KIF13A: variants seen among roughly 807,000 people sequenced by gnomAD.
KIF13A encodes kinesin family member 13A.
A neutral mutation model predicts 212.2 loss-of-function variants in KIF13A; 79 were observed. The ratio of observed to expected loss-of-function variants is 0.37; its 90% CI spans 0.31 to 0.45. The LOEUF is 0.45. KIF13A is among the 20% of genes least tolerant of loss of function. The pLI is 1.00. For missense variants in KIF13A, 1,901 were observed against 2,209.0 expected (o/e 0.86, Z 2.79); for synonymous variants, 789 against 808.6 (o/e 0.98, Z 0.41).
In KIF13A at chr6:17,769,977, G is replaced by T. The variant is rs1245730261; in HGVS notation, c.4581+1137C>A. On this transcript the variant is annotated intron_variant, in intron 38 of 38. Transcript: ENST00000259711. The surrounding 1 kb of genome is among the most constrained non-coding windows in gnomAD (Gnocchi z 5.8). ...GGGGAAGAGGGATGAAGAAATAGAG[G>T]GAAAATGGTGCTTTTCTTCTTTCTT... is the stretch of plus-strand genomic sequence containing the variant. Among the ~76,000 whole-genome samples the T allele has an allele frequency of 6.6e-6, 1 of 152,086 alleles. No individual in the cohort carries two copies. Among genetic ancestry groups the T allele is most frequent in the Non-Finnish European group, 1.5e-5 (1 of 68,030 alleles).
intron 19 of KIF13A, among the ~76,000 whole-genome samples, chr6:17,804,861 A>AGGGGCCT (rs1283567360): frequency 8.4e-6 from 1 of 119,490 alleles, no homozygotes; most frequent in Admixed American, 9.6e-5. Context: ...AGCCCATGGG[A>AGGGGCCT]GGGGCCTGTT....
chr6:17,797,099 C>T (rs369358377), intron 22 of KIF13A, among the ~76,000 whole-genome samples: 22 of 151,630 alleles, frequency 1.5e-4, no homozygotes, highest in African/African-American at 3.6e-4. Flanking sequence ...GTGCGATCTC[C>T]GCTCACTACA....
intron 4 of KIF13A, 160 bp downstream of exon 4, chr6:17,873,217 A>C (rs1770182202): frequency 3.7e-6 from 2 of 544,440 alleles, no homozygotes; most frequent in African/African-American, 3.9e-5. Context: ...CCAGATTCTG[A>C]AACCAAATCT....
At chr6:17,844,014 C>T (rs1356325576) in intron 9 of KIF13A, among the ~76,000 whole-genome samples, 3 of 147,508 alleles carry the variant, frequency 2.0e-5, no homozygotes, top group Admixed American at 6.8e-5. Flanking sequence ...CACTGTACTC[C>T]AGCCTGGGTG....
At chr6:17,981,436 T>C (rs1466108171) in intron 2 of KIF13A, among the ~76,000 whole-genome samples, 2 of 149,714 alleles carry the variant, frequency 1.3e-5, no homozygotes, top group East Asian at 3.9e-4. Flanking sequence ...CTTTTTTTTT[T>C]TTTTTTTGAG....
At chr6:17,778,639 A>G (rs1250982031) in intron 33 of KIF13A, among the ~76,000 whole-genome samples, 1 of 152,162 alleles carries the variant, frequency 6.6e-6, no homozygotes, top group Non-Finnish European at 1.5e-5. Flanking sequence ...AACTTCTATC[A>G]GCCTCAATTT....
At chr6:17,986,313 G>C (rs1442654371) in intron 2 of KIF13A, among the ~76,000 whole-genome samples, 1 of 152,030 alleles carries the variant, frequency 6.6e-6, no homozygotes, top group East Asian at 1.9e-4. Context: ...ATTATTTTGG[G>C]GCGTTAACCC....
intron 2 of KIF13A, among the ~76,000 whole-genome samples, chr6:17,966,523 G>T (rs1224196309): frequency 2.4e-5 from 3 of 123,492 alleles, no homozygotes; most frequent in Admixed American, 2.0e-4. Flanking sequence ...TGATTTAGAA[G>T]ACTTTTAATG....
At position 17,883,442 on chromosome 6, in the gene KIF13A, A is replaced by G. The variant is rs1203406423; in HGVS notation, c.160-10005T>C. On this transcript the variant is annotated intron_variant, in intron 3 of 38. Coordinates refer to ENST00000259711, the MANE Select transcript of KIF13A (RefSeq NM_022113.6). The surrounding 1 kb of genome is among the most constrained non-coding windows in gnomAD (Gnocchi z 4.8). The stretch of plus-strand genomic sequence containing the variant: ...ATGTAAATCTGTTTTCACATGTGAC[A>G]TCTGCTTAAAATAGCACAGATCAGT... Among the ~76,000 whole-genome samples the G allele has an allele frequency of 1.3e-5, 2 of 152,212 alleles. No individual in the cohort carries two copies. Among genetic ancestry groups the G allele is most frequent in the African/African-American group, 4.8e-5 (2 of 41,454 alleles).
chr6:17,795,280 C>T (rs1477793478), intron 23 of KIF13A, among the ~76,000 whole-genome samples: 2 of 152,060 alleles, frequency 1.3e-5, no homozygotes, highest in Non-Finnish European at 2.9e-5. Flanking sequence ...CCATGAATAA[C>T]ACTGCCATGA....
rs1262201185 is a variant in KIF13A at position 17,968,189 on chromosome 6, G to A, written c.146+18865C>T. On this transcript the variant is annotated intron_variant, in intron 2 of 38. Transcript: ENST00000259711. The surrounding 1 kb of genome is among the most constrained non-coding windows in gnomAD (Gnocchi z 4.7). ...AATGGCCAATTAGGAACCAGAGAACGAGAAGAACCCAGAGATCCCCGCTTA... is the reference window on the plus strand; with the variant it reads ...AATGGCCAATTAGGAACCAGAGAACAAGAAGAACCCAGAGATCCCCGCTTA... 6.6e-6 allele frequency among the ~76,000 whole-genome samples: 1 copy of A among 152,164 alleles called. No individual in the cohort carries two copies. The highest frequency in any genetic ancestry group is 1.5e-5 in the Non-Finnish European group (1 of 68,038).
At chr6:17,858,939 T>C (rs904986268) in intron 4 of KIF13A, among the ~76,000 whole-genome samples, 2 of 151,480 alleles carry the variant, frequency 1.3e-5, no homozygotes, top group African/African-American at 2.4e-5. Context: ...AAGGACTCAA[T>C]TGCAGAGAAG....
At chr6:17,882,569 T>C (rs1280604510) in intron 3 of KIF13A, among the ~76,000 whole-genome samples, 1 of 151,230 alleles carries the variant, frequency 6.6e-6, no homozygotes, top group Non-Finnish European at 1.5e-5. Context: ...TTTATAAATT[T>C]TTTTTTTTTT....
intron 9 of KIF13A, among the ~76,000 whole-genome samples, chr6:17,840,605 G>T (rs545411875): frequency 6.6e-6 from 1 of 152,006 alleles, no homozygotes; most frequent in Non-Finnish European, 1.5e-5. Context: ...ATCCATCACC[G>T]AGAGAAGACT....
rs1475492427 is a variant in KIF13A, at chr6:17,809,939, A to G, written c.2001-1009T>C. 6.6e-6 allele frequency among the ~76,000 whole-genome samples: 1 copy of G among 152,132 alleles called. No individual in the cohort carries two copies. The highest frequency in any genetic ancestry group is 2.4e-5 in the African/African-American group (1 of 41,414). ...AAACAAAACAGTTTCTTAAAACCAT[A>G]TTACCAGCTGGGGGCAGTGGCTCAT... On this transcript the variant is annotated intron_variant, in intron 17 of 38. Transcript: ENST00000259711. This position sits in a 1 kb window ranked among gnomAD's most constrained non-coding sequence, Gnocchi z 4.7.
chr6:17,804,531 G>C, intron 19 of KIF13A, 21 bp from the exon 20 acceptor site: 1 of 1,551,814 alleles, frequency 6.4e-7, no homozygotes, highest in Non-Finnish European at 8.7e-7. Context: ...GGAGGGGCCA[G>C]TGAGTGGACG....
chr6:17,783,176 T>C lies in KIF13A; in HGVS notation c.3544+470A>G, dbSNP rs1365776038. 6.6e-6 allele frequency among the ~76,000 whole-genome samples: 1 copy of C among 152,220 alleles called. No individual in the cohort carries two copies. The highest frequency in any genetic ancestry group is 2.4e-5 in the African/African-American group (1 of 41,452). On this transcript the variant is annotated intron_variant, in intron 29 of 38. Transcript: ENST00000259711. This position sits in a 1 kb window ranked among gnomAD's most constrained non-coding sequence, Gnocchi z 4.3. ...AGTTAATATTTCGTTTAGAAAAGGA[T>C]TGTTCTGCTAAAGCACATTGGAAAC... is the stretch of plus-strand genomic sequence containing the variant.
At chr6:17,840,179 A>G (rs1766375283) in intron 9 of KIF13A, among the ~76,000 whole-genome samples, 1 of 152,202 alleles carries the variant, frequency 6.6e-6, no homozygotes. Flanking sequence ...CTCTGAATAT[A>G]TTAATGCTAC....
At position 17,825,082 on chromosome 6, in the gene KIF13A, C is replaced by A. The variant is rs1231401996; in HGVS notation, c.1786+686G>T. On this transcript the variant is annotated intron_variant, in intron 16 of 38. Transcript: ENST00000259711. This position sits in a 1 kb window ranked among gnomAD's most constrained non-coding sequence, Gnocchi z 4.5. The stretch of plus-strand genomic sequence containing the variant: ...GTCATCAAATCTAGCAATTAAGACA[C>A]TGGGAGATGGGAAAAGAAAGGGCAG... 6.6e-6 allele frequency among the ~76,000 whole-genome samples: 1 copy of A among 152,042 alleles called. No individual in the cohort carries two copies. The highest frequency in any genetic ancestry group is 2.4e-5 in the African/African-American group (1 of 41,368).
Sources: allele counts gnomAD v4.1 joint callset (sites outside exome capture counted in the v4.1 genomes callset), GRCh38; gene constraint gnomAD v4.1.1; non-coding constraint Gnocchi (gnomAD v3.1); transcripts MANE v1.5; gene names NCBI Gene and HGNC (gene_info 2026-07-23, HGNC 2026-07-21).